The following A1CF variants were observed in gnomAD, a reference collection of about 807,000 sequenced individuals.
The protein encoded by A1CF is APOBEC-1 stimulating protein.
In A1CF, 48 loss-of-function variants were observed where a neutral mutation model predicts 68.9. The ratio of observed to expected loss-of-function variants is 0.70; its 90% CI spans 0.55 to 0.89. A1CF has a LOEUF of 0.89. A1CF is among the 40% of genes least tolerant of loss of function. A1CF has a pLI of 0.00. For synonymous variants in A1CF, 272 were observed against 260.4 expected (o/e 1.04, Z -0.43); for missense variants, 653 against 718.9 (o/e 0.91, Z 1.05).
intron 4 of A1CF, 25 bp downstream of exon 4, chr10:50,843,963 A>G: frequency 6.2e-7 from 1 of 1,612,334 alleles, no homozygotes; most frequent in Non-Finnish European, 8.5e-7. Flanking sequence ...CGATAAGAAA[A>G]ATTAAATGTT....
intron 1 of A1CF, among the ~76,000 whole-genome samples, chr10:50,884,948 C>T (rs1841938135): frequency 6.6e-6 from 1 of 152,154 alleles, no homozygotes; most frequent in African/African-American, 2.4e-5. Flanking sequence ...TAATAATTAG[C>T]CATTCCAAGG....
At chr10:50,881,378 A>G (rs1459353023) in intron 1 of A1CF, among the ~76,000 whole-genome samples, 1 of 152,152 alleles carries the variant, frequency 6.6e-6, no homozygotes, top group Non-Finnish European at 1.5e-5. Context: ...GGGCTTATAA[A>G]CGATAGGTGG....
rs983310814 is a variant in A1CF, at chr10:50,803,888, G to A, written c.*2841C>T. On this transcript the variant is annotated 3_prime_UTR_variant, in exon 13 of 13. Coordinates refer to ENST00000373997, the MANE Select transcript of A1CF (RefSeq NM_014576.4). ...CAGAAGGTATGAAGGTATTATATAG[G>A]TGCTAATTTCTTAAGTCTAAAAATA... 3.3e-5 allele frequency: 5 copies of A among 152,026 alleles called. No homozygotes were observed. The highest frequency in any genetic ancestry group is 1.2e-4 in the African/African-American group (5 of 41,390). 9.4% of individuals were successfully genotyped at this position (152,026 alleles called of 1,614,324 possible). A position where few individuals can be genotyped will look rare whatever the true frequency, so the allele number is the denominator to read the frequency against.
At chr10:50,830,123 G>C (rs1249863656) in intron 6 of A1CF, among the ~76,000 whole-genome samples, 1 of 152,008 alleles carries the variant, frequency 6.6e-6, no homozygotes, top group East Asian at 1.9e-4. Flanking sequence ...TTATACAATA[G>C]ATTTGCAGAA....
At chr10:50,835,087 A>G (rs17591401) in intron 6 of A1CF, among the ~76,000 whole-genome samples, 18,468 of 152,170 alleles carry the variant, frequency 0.12, 1,419 homozygotes, top group South Asian at 0.17. Context: ...TGAAAGATTC[A>G]ACATTAAAAA....
chr10:50,866,637 T>A (rs897598979), intron 1 of A1CF, among the ~76,000 whole-genome samples: 9 of 152,236 alleles, frequency 5.9e-5, no homozygotes, highest in African/African-American at 2.2e-4. Context: ...CTGGATAGTA[T>A]GTCCTGCTCT....
rs543458798 is a variant in A1CF, at chr10:50,820,328, T to C, written c.867+224A>G. Among the ~76,000 whole-genome samples the C allele has an allele frequency of 2.0e-5, 3 of 152,292 alleles. No homozygotes were observed. In the East Asian group the frequency reaches 5.8e-4, roughly 29 times the overall value. ...ATGGAAATTGAGGGCCAGTGACTTG[T>C]CCAAATTATAAAAAACAAATAGAGG... On this transcript the variant is annotated intron_variant, in intron 8 of 12. Transcript: ENST00000373997.
intron 6 of A1CF, among the ~76,000 whole-genome samples, chr10:50,828,768 A>G (rs1391276172): frequency 6.6e-6 from 1 of 152,108 alleles, no homozygotes; most frequent in African/African-American, 2.4e-5. Flanking sequence ...CACAATTGAG[A>G]TGTTCAAAAA....
intron 3 of A1CF, among the ~76,000 whole-genome samples, chr10:50,858,702 C>T (rs1407444877): frequency 6.6e-6 from 1 of 151,938 alleles, no homozygotes; most frequent in Non-Finnish European, 1.5e-5. Flanking sequence ...GATTGTATAA[C>T]ATCTATGGAA....
intron 1 of A1CF, among the ~76,000 whole-genome samples, chr10:50,868,817 A>C (rs1403190741): frequency 6.6e-6 from 1 of 152,226 alleles, no homozygotes; most frequent in African/African-American, 2.4e-5. Flanking sequence ...GCAAACTTAC[A>C]CAGGGACAGA....
At chr10:50,870,154 C>T (rs1025629119) in intron 1 of A1CF, among the ~76,000 whole-genome samples, 1 of 151,858 alleles carries the variant, frequency 6.6e-6, no homozygotes, top group Admixed American at 6.6e-5. Flanking sequence ...CTTCTTTATG[C>T]TAAAAACATT....
intron 5 of A1CF, 32 bp from the exon 6 acceptor site, chr10:50,836,344 G>A: frequency 6.3e-7 from 1 of 1,594,630 alleles, no homozygotes. Flanking sequence ...TGATTGATGA[G>A]AATCCTTGTA....
chr10:50,883,604 C>T (rs984307928), intron 1 of A1CF, among the ~76,000 whole-genome samples: 4 of 152,134 alleles, frequency 2.6e-5, no homozygotes, highest in Non-Finnish European at 5.9e-5. Context: ...GCTATAAAAG[C>T]GATTTGGTCT....
intron 10 of A1CF, 78 bp from the exon 11 acceptor site, chr10:50,811,254 C>A: frequency 2.1e-6 from 3 of 1,434,434 alleles, no homozygotes; most frequent in South Asian, 1.4e-5. Flanking sequence ...TTTTTAAACT[C>A]TAATTTTCAG....
At position 50,880,593 on chromosome 10, in the gene A1CF, A is replaced by T. The variant is rs183478232; in HGVS notation, c.-94+4988T>A. 1.4e-3 allele frequency among the ~76,000 whole-genome samples: 208 copies of T among 152,266 alleles called. 1 individual carries two copies. Among genetic ancestry groups the T allele is most frequent in the Non-Finnish European group, 6.9e-4 (47 of 68,010 alleles). On this transcript the variant is annotated intron_variant, in intron 1 of 12. Coordinates refer to ENST00000373997, the MANE Select transcript of A1CF (RefSeq NM_014576.4). ...GCCAACACAGTTTTCCCCCCATGGA[A>T]CCTGATTTTGATTTCTGACTTCCAT...
chr10:50,830,459 T>G (rs1243105391), intron 6 of A1CF, among the ~76,000 whole-genome samples: 1 of 152,150 alleles, frequency 6.6e-6, no homozygotes, highest in African/African-American at 2.4e-5. Context: ...AGCCTTTCTA[T>G]ACACTAACAA....
At position 50,826,579 on chromosome 10, in the gene A1CF, T is replaced by G. The variant is rs183486294; in HGVS notation, c.769+1552A>C. On this transcript the variant is annotated intron_variant, in intron 7 of 12. Transcript: ENST00000373997. ...TAAAATACTTTACAGACAAGCAAATTCTGAGAGATTTTGTCACTACCAGGC... is the reference window on the plus strand; with the variant it reads ...TAAAATACTTTACAGACAAGCAAATGCTGAGAGATTTTGTCACTACCAGGC... Among the ~76,000 whole-genome samples, 542 of 152,100 alleles carry G rather than the reference T, an allele frequency of 3.6e-3. 3 individuals are homozygous for G. Among genetic ancestry groups the G allele is most frequent in the African/African-American group, 0.012 (488 of 41,524 alleles).
In A1CF at chr10:50,870,945, T is replaced by C. The variant is rs565259797; in HGVS notation, c.-93-6865A>G. Among the ~76,000 whole-genome samples the C allele has an allele frequency of 3.5e-4, 53 of 151,870 alleles. 2 individuals are homozygous for C. In the South Asian group the frequency reaches 1.0e-2, roughly 29 times the overall value. On this transcript the variant is annotated intron_variant, in intron 1 of 12. Transcript: ENST00000373997. ...AAAGTTTATTAAACATTAGGGATTA[T>C]CGAAGTTTAATTCATTTCACTGTTA...
chr10:50,859,161 T>A (rs1317097559), intron 3 of A1CF, among the ~76,000 whole-genome samples: 2 of 152,156 alleles, frequency 1.3e-5, no homozygotes, highest in African/African-American at 4.8e-5. Context: ...ACAGCAACAT[T>A]TTTTTCTTTA....
Sources: gnomAD v4.1 joint callset for allele counts (sites outside exome capture counted in the v4.1 genomes callset) on GRCh38, gnomAD v4.1.1 for gene constraint, MANE v1.5 for transcripts, NCBI Gene and HGNC (gene_info 2026-07-23, HGNC 2026-07-21) for gene names.